Variants in COL23A1 observed in about 807,000 individuals in gnomAD.
The protein encoded by COL23A1 is collagen alpha-1(XXIII) chain.
COL23A1 carries 97 observed loss-of-function variants against 99.3 expected under a neutral mutation model. That is an observed-to-expected ratio of 0.98 (90% CI 0.83 to 1.16). COL23A1 has a LOEUF of 1.16. COL23A1 is among the 50% of genes most tolerant of loss of function. COL23A1 has a pLI of 0.00. For missense variants in COL23A1, 762 were observed against 757.4 expected (o/e 1.01, Z -0.07); for synonymous variants, 320 against 308.2 (o/e 1.04, Z -0.40).
chr5:178,556,868 G>A (rs1000188965), intron 2 of COL23A1, among the ~76,000 whole-genome samples: 2 of 151,826 alleles, frequency 1.3e-5, no homozygotes, highest in East Asian at 1.9e-4. Flanking sequence ...CAGGAGAATC[G>A]CTTGAATACG....
In COL23A1 at chr5:178,246,728, C is replaced by CG. The variant is rs5873597; in HGVS notation, c.1297-276dup. ...GAGGAAAGCAGGTGCAGACGGGGGG[C>CG]GGGGGGGGGGGGACAGGCCCAGCCA... On this transcript the variant is annotated intron_variant, in intron 22 of 28. Transcript: ENST00000390654. Among the ~76,000 whole-genome samples, 365 of 146,746 alleles carry CG rather than the reference C, an allele frequency of 2.5e-3. 5 individuals are homozygous for CG. The highest frequency in any genetic ancestry group is 3.3e-3 in the Non-Finnish European group (223 of 67,022).
At chr5:178,450,372 CTT>C (rs1270703262) in intron 2 of COL23A1, among the ~76,000 whole-genome samples, 1 of 152,178 alleles carries the variant, frequency 6.6e-6, no homozygotes, top group Non-Finnish European at 1.5e-5. Context: ...CGGGCTCACT[CTT>C]GAGAGAAGGT....
intron 2 of COL23A1, among the ~76,000 whole-genome samples, chr5:178,426,364 C>T (rs1765935073): frequency 1.3e-5 from 2 of 152,198 alleles, no homozygotes; most frequent in African/African-American, 4.8e-5. Flanking sequence ...CATTAGATGA[C>T]CCACGTTTTT....
intron 5 of COL23A1, among the ~76,000 whole-genome samples, chr5:178,287,752 T>C (rs907974669): frequency 2.6e-5 from 4 of 152,226 alleles, no homozygotes; most frequent in African/African-American, 9.6e-5. Context: ...CGGATGCTGC[T>C]GCCACGACCC....
At chr5:178,552,294 CGAAT>C (rs555727629) in intron 2 of COL23A1, among the ~76,000 whole-genome samples, 1 of 151,934 alleles carries the variant, frequency 6.6e-6, no homozygotes, top group Non-Finnish European at 1.5e-5. Flanking sequence ...GTAGGAGAGA[CGAAT>C]GAATGAATGA....
In COL23A1 at chr5:178,307,148, A is replaced by G. The variant is rs539001731; in HGVS notation, c.362-229T>C. On this transcript the variant is annotated intron_variant, in intron 2 of 28. Transcript: ENST00000390654. This position sits in a 1 kb window ranked among gnomAD's most constrained non-coding sequence, Gnocchi z 4.2. ...CCCTCCCCAGGTGGCCGCATCCCTCATGCCCCACGCACCCATTCTGTCATT... is the reference window on the plus strand; with the variant it reads ...CCCTCCCCAGGTGGCCGCATCCCTCGTGCCCCACGCACCCATTCTGTCATT... Among the ~76,000 whole-genome samples, 2 of 152,166 alleles carry G rather than the reference A, an allele frequency of 1.3e-5. No homozygotes were observed. The highest frequency in any genetic ancestry group is 4.1e-4 in the South Asian group (2 of 4,822).
chr5:178,391,598 G>A (rs1271091444), intron 2 of COL23A1, among the ~76,000 whole-genome samples: 1 of 150,354 alleles, frequency 6.7e-6, no homozygotes, highest in Non-Finnish European at 1.5e-5. Context: ...GGTGAGGATG[G>A]GGGGAAACTG....
chr5:178,297,089 T>C (rs972611121), intron 3 of COL23A1, among the ~76,000 whole-genome samples: 2 of 152,248 alleles, frequency 1.3e-5, no homozygotes, highest in African/African-American at 4.8e-5. Context: ...CTCTGCTCCA[T>C]CCTTCCCTCT....
intron 2 of COL23A1, among the ~76,000 whole-genome samples, chr5:178,346,309 C>T (rs936225563): frequency 1.3e-5 from 2 of 152,148 alleles, no homozygotes; most frequent in East Asian, 1.9e-4. Context: ...TCTCGGCTCA[C>T]TGCAACCTCC....
At chr5:178,496,644 C>T (rs1331220418) in intron 2 of COL23A1, among the ~76,000 whole-genome samples, 1 of 152,154 alleles carries the variant, frequency 6.6e-6, no homozygotes, top group Non-Finnish European at 1.5e-5. Context: ...TTACTATAGA[C>T]ATACAAGTAG....
At chr5:178,523,181 CAT>C (rs375162340) in intron 2 of COL23A1, among the ~76,000 whole-genome samples, 22,722 of 90,006 alleles carry the variant, frequency 0.25, 2,983 homozygotes, top group East Asian at 0.5. Flanking sequence ...TATATATACA[CAT>C]ATATATATAT....
At chr5:178,438,891 A>C (rs1766709450) in intron 2 of COL23A1, 1 of 152,186 alleles carries the variant, frequency 6.6e-6, no homozygotes. Flanking sequence ...GGGAAAGGTT[A>C]CAACTCCTAG....
chr5:178,402,098 G>A (rs981241835), intron 2 of COL23A1, among the ~76,000 whole-genome samples: 41 of 152,158 alleles, frequency 2.7e-4, no homozygotes, highest in Admixed American at 2.6e-3. Flanking sequence ...TTACAGGTGT[G>A]AGCCACCGCG....
intron 2 of COL23A1, among the ~76,000 whole-genome samples, chr5:178,392,373 T>G (rs769799805): frequency 3.9e-5 from 6 of 152,206 alleles, no homozygotes; most frequent in Non-Finnish European, 8.8e-5. Flanking sequence ...ACAATGCACC[T>G]ACTGCATTCC....
chr5:178,572,779 T>A (rs1047801254), intron 1 of COL23A1, among the ~76,000 whole-genome samples: 5 of 152,208 alleles, frequency 3.3e-5, no homozygotes, highest in African/African-American at 1.2e-4. Context: ...CAATCCAAAC[T>A]TCCATCAATA....
intron 2 of COL23A1, among the ~76,000 whole-genome samples, chr5:178,529,523 C>T (rs1453214850): frequency 6.6e-6 from 1 of 152,190 alleles, no homozygotes; most frequent in African/African-American, 2.4e-5. Context: ...CTACCCGTGG[C>T]CTTTCTAGTT....
intron 15 of COL23A1, 43 bp downstream of exon 15, chr5:178,256,310 T>C: frequency 6.6e-7 from 1 of 1,524,916 alleles, no homozygotes; most frequent in Non-Finnish European, 8.9e-7. Flanking sequence ...ATGGGGCCCC[T>C]AGATCTCATC....
intron 2 of COL23A1, among the ~76,000 whole-genome samples, chr5:178,328,123 G>A (rs368022730): frequency 2.0e-4 from 30 of 152,212 alleles, no homozygotes; most frequent in Admixed American, 1.2e-3. Flanking sequence ...GCCTGGGTGC[G>A]GAGGGCAGGG....
intron 25 of COL23A1, among the ~76,000 whole-genome samples, chr5:178,245,586 T>TCATC (rs1554124285): frequency 5.6e-5 from 7 of 124,452 alleles, no homozygotes; most frequent in Non-Finnish European, 1.0e-4. Context: ...ATCCATTCAT[T>TCATC]CATCCATCCA....
Sources: allele counts gnomAD v4.1 joint callset (sites outside exome capture counted in the v4.1 genomes callset), GRCh38; gene constraint gnomAD v4.1.1; non-coding constraint Gnocchi (gnomAD v3.1); transcripts MANE v1.5; gene names NCBI Gene and HGNC (gene_info 2026-07-23, HGNC 2026-07-21).